The following TMC7 variants were observed in gnomAD, a reference collection of about 807,000 sequenced individuals.
The protein encoded by TMC7 is transmembrane channel like 7.
In TMC7, 54 loss-of-function variants were observed where a neutral mutation model predicts 82.9. That is an observed-to-expected ratio of 0.65 (90% CI 0.52 to 0.82). The LOEUF (loss-of-function observed/expected upper bound fraction) is 0.82, where lower values mean the gene tolerates loss of function less well. TMC7 is among the 40% of genes least tolerant of loss of function. The pLI is 0.00. For synonymous variants in TMC7, 350 were observed against 337.9 expected, an observed-to-expected ratio of 1.04 and a Z score of -0.39; for missense variants, 820 against 901.2, an observed-to-expected ratio of 0.91 and a Z score of 1.15.
At chr16:19,033,111 G>A (rs1407692932) in intron 6 of TMC7, among the ~76,000 whole-genome samples, 2 of 152,124 alleles carry the variant, frequency 1.3e-5, no homozygotes, top group African/African-American at 4.8e-5. Context: ...GACTTTGTAG[G>A]CCAGAGACCA....
At chr16:19,028,830 A>G (rs1173945287) in intron 5 of TMC7, among the ~76,000 whole-genome samples, 1 of 148,300 alleles carries the variant, frequency 6.7e-6, no homozygotes, top group Non-Finnish European at 1.5e-5. Flanking sequence ...TAATTTTTGT[A>G]TTTTTAGTAG....
In TMC7 at chr16:19,062,160, C is replaced by T. The variant is rs138996073; in HGVS notation, c.*317C>T. On this transcript the variant is annotated 3_prime_UTR_variant, in exon 16 of 16. Transcript: ENST00000304381. ...AGACGGTAGTTTAGTATTTGAGCCA[C>T]GAGTTTATGTGCACAAGTGTTTTGG... The T allele has an allele frequency of 3.4e-5, 9 of 264,490 alleles. No homozygotes were observed. Among genetic ancestry groups the T allele is most frequent in the Admixed American group, 2.0e-4 (4 of 19,704 alleles). 16.4% of individuals were successfully genotyped at this position (264,490 alleles called of 1,614,324 possible).
chr16:18,986,929 C>G (rs1196428985), intron 1 of TMC7, among the ~76,000 whole-genome samples: 3 of 151,368 alleles, frequency 2.0e-5, no homozygotes, highest in Non-Finnish European at 3.0e-5. Context: ...CTCAGCCTCC[C>G]GAGTAGCTGG....
chr16:19,046,990 T>A lies in TMC7; in HGVS notation c.1554-73T>A, dbSNP rs138031228. The A allele has an allele frequency of 5.1e-4, 668 of 1,321,418 alleles. 4 individuals carry two copies. In the East Asian group the frequency reaches 0.011, roughly 22 times the overall value. The allele number at this position is 1,321,418 out of a possible 1,614,324, so 81.9% of individuals were successfully genotyped here. A position where few individuals can be genotyped will look rare whatever the true frequency, so the allele number is the denominator to read the frequency against. ...CCATGAGAAATATGCATGGAAATAG[T>A]CCTGATCTTTGTGATATGGTTCTGT... On this transcript the variant is annotated intron_variant, in intron 11 of 15. Transcript: ENST00000304381.
chr16:19,060,406 T>G (rs1272768524), intron 15 of TMC7, among the ~76,000 whole-genome samples: 1 of 152,088 alleles, frequency 6.6e-6, no homozygotes. Context: ...GGTCTCCCTA[T>G]GTTGCCCAGG....
intron 6 of TMC7, among the ~76,000 whole-genome samples, chr16:19,032,857 G>C (rs1960580193): frequency 6.6e-6 from 1 of 152,194 alleles, no homozygotes; most frequent in African/African-American, 2.4e-5. Flanking sequence ...TCGAACTTCT[G>C]ACCTTGTGAT....
intron 1 of TMC7, among the ~76,000 whole-genome samples, chr16:18,986,581 G>T (rs1471280579): frequency 2.0e-5 from 3 of 152,006 alleles, no homozygotes; most frequent in Non-Finnish European, 4.4e-5. Context: ...CTTTCCGGTG[G>T]CTTCTCACTG....
intron 9 of TMC7, among the ~76,000 whole-genome samples, chr16:19,044,575 G>T (rs964244290): frequency 6.6e-6 from 1 of 151,824 alleles, no homozygotes; most frequent in Non-Finnish European, 1.5e-5. Context: ...CAAGACAGGC[G>T]GATTGCTTGG....
chr16:19,021,883 T>A (rs957409720), intron 4 of TMC7, 87 bp downstream of exon 4: 1 of 1,474,460 alleles, frequency 6.8e-7, no homozygotes, highest in African/African-American at 1.4e-5. Context: ...AGAATCTTTA[T>A]TCTAATTCTT....
intron 5 of TMC7, among the ~76,000 whole-genome samples, chr16:19,029,081 C>T (rs957790448): frequency 1.3e-5 from 2 of 150,506 alleles, no homozygotes; most frequent in Middle Eastern, 3.6e-3. Context: ...TCTCGGCTCA[C>T]TGCAAGATCC....
chr16:19,050,093 C>T (rs111740229), intron 12 of TMC7, among the ~76,000 whole-genome samples: 13,046 of 151,956 alleles, frequency 0.086, 693 homozygotes, highest in South Asian at 0.17. Flanking sequence ...CTTAAATGGC[C>T]GGGCCCGGTG....
intron 2 of TMC7, 29 bp downstream of exon 2, chr16:19,009,444 A>G: frequency 1.2e-6 from 2 of 1,600,664 alleles, no homozygotes; most frequent in Non-Finnish European, 1.7e-6. Context: ...TGGAACCTGC[A>G]TTGTGTATGT....
At chr16:19,059,636 C>T (rs1961919314) in intron 15 of TMC7, 142 bp downstream of exon 15, 1 of 1,561,292 alleles carries the variant, frequency 6.4e-7, no homozygotes, top group Non-Finnish European at 8.6e-7. Flanking sequence ...CCTTGAGGCC[C>T]AGCCGCGTCC....
intron 8 of TMC7, among the ~76,000 whole-genome samples, chr16:19,038,812 C>G (rs1032793808): frequency 2.6e-5 from 4 of 152,190 alleles, no homozygotes; most frequent in Non-Finnish European, 5.9e-5. Context: ...GCCACCGCAC[C>G]TGGCCTTAGA....
chr16:18,996,448 G>A (rs1007103635), intron 1 of TMC7, among the ~76,000 whole-genome samples: 8 of 152,022 alleles, frequency 5.3e-5, no homozygotes, highest in African/African-American at 1.9e-4. Context: ...CCCATTTTTC[G>A]ACAAAAACTA....
At chr16:18,991,465 T>C (rs1015914711) in intron 1 of TMC7, among the ~76,000 whole-genome samples, 6 of 152,184 alleles carry the variant, frequency 3.9e-5, no homozygotes, top group Admixed American at 2.6e-4. Flanking sequence ...AAAACAACAC[T>C]CTGCATTTAA....
chr16:18,997,162 C>T (rs905581499), intron 1 of TMC7, among the ~76,000 whole-genome samples: 4 of 152,146 alleles, frequency 2.6e-5, no homozygotes, highest in African/African-American at 7.2e-5. Flanking sequence ...ACCGGTCTCC[C>T]GAAGGAGTCC....
intron 7 of TMC7, 97 bp downstream of exon 7, chr16:19,035,920 G>A: frequency 4.2e-6 from 6 of 1,414,558 alleles, no homozygotes; most frequent in Non-Finnish European, 5.7e-6. Context: ...AAGGGTCGGG[G>A]ACAGGTTGTC....
intron 9 of TMC7, among the ~76,000 whole-genome samples, chr16:19,041,066 A>AT (rs888271577): frequency 2.6e-4 from 39 of 148,166 alleles, no homozygotes; most frequent in Middle Eastern, 3.5e-3. Flanking sequence ...AATTAAAAAA[A>AT]TTTTTTTTTT....
Sources: gnomAD v4.1 joint callset for allele counts (sites outside exome capture counted in the v4.1 genomes callset) on GRCh38, gnomAD v4.1.1 for gene constraint, MANE v1.5 for transcripts, NCBI Gene and HGNC (gene_info 2026-07-23, HGNC 2026-07-21) for gene names.